CSF2RA: variants seen among roughly 807,000 people sequenced by gnomAD.
CSF2RA encodes colony stimulating factor 2 receptor subunit alpha.
Under a neutral mutation model 51.6 loss-of-function variants are expected in CSF2RA, and 42 were observed. The observed-to-expected ratio is 0.81, with a 90% CI of 0.64 to 1.05. The LOEUF is 1.05. CSF2RA is among the 50% of genes least tolerant of loss of function. CSF2RA has a pLI of 0.00. For synonymous variants in CSF2RA, 222 were observed against 193.0 expected, an observed-to-expected ratio of 1.15 and a Z score of -1.24; for missense variants, 530 against 501.1, an observed-to-expected ratio of 1.06 and a Z score of -0.55.
intron 9 of CSF2RA, 139 bp downstream of exon 9, chrX:1,295,595 G>T (rs28542336): frequency 1.9e-6 from 1 of 516,378 alleles, no homozygotes; most frequent in African/African-American, 4.7e-5. Context: ...GTAACCCTAC[G>T]GTCCCCTACT....
At chrX:1,310,548 G>C (rs1256273591), downstream of CSF2RA, among the ~76,000 whole-genome samples, 2 of 150,430 alleles carry the variant, frequency 1.3e-5, no homozygotes, top group South Asian at 4.2e-4. Flanking sequence ...GGCGCCTGTA[G>C]TCCCAGCTAC....
intron 9 of CSF2RA, among the ~76,000 whole-genome samples, chrX:1,296,341 C>A (rs2091954223): frequency 7.7e-6 from 1 of 130,356 alleles, no homozygotes; most frequent in Non-Finnish European, 1.7e-5. Context: ...TACCCATGAC[C>A]CCTGGCGGAA....
chrX:1,324,490 AG>A, the CSF2RA span, among the ~76,000 whole-genome samples: 2 of 109,146 alleles, frequency 1.8e-5, no homozygotes, highest in Non-Finnish European at 1.8e-5. Context: ...GCAGGGAGGG[AG>A]GGAGGGGAGG....
chrX:1,280,783 A>G lies in CSF2RA; in HGVS notation c.-26-1895A>G, dbSNP rs762613021. Among the ~76,000 whole-genome samples the G allele has an allele frequency of 3.6e-5, 5 of 140,494 alleles. No homozygotes were observed. In the South Asian group the frequency reaches 6.7e-4, roughly 19 times the overall value. 92.2% of individuals were successfully genotyped at this position (140,494 alleles called of 152,430 possible). ...CTTCTTCCTTATGGGCTTGGATAGAAGTATATTGACATGGATCCACCATTT... is the reference window on the plus strand; with the variant it reads ...CTTCTTCCTTATGGGCTTGGATAGAGGTATATTGACATGGATCCACCATTT... On this transcript the variant is annotated intron_variant, in intron 2 of 12. Transcript: ENST00000381529.
chrX:1,286,440 G>A (rs559690625), intron 4 of CSF2RA, among the ~76,000 whole-genome samples: 1 of 148,976 alleles, frequency 6.7e-6, no homozygotes, highest in African/African-American at 2.5e-5. Flanking sequence ...ATGGTGGCAG[G>A]CATCTGTAAT....
At chrX:1,314,482 ACCCAACCCCACTGTGCCTG>A (rs2084390876), downstream of CSF2RA, among the ~76,000 whole-genome samples, 1 of 70,358 alleles carries the variant, frequency 1.4e-5, no homozygotes, top group African/African-American at 8.1e-5. Context: ...CAATGCACCT[ACCCAACCCCACTGTGCCTG>A]CCCAACCGCA....
chrX:1,291,252 C>T (rs763884140), intron 7 of CSF2RA, among the ~76,000 whole-genome samples: 4 of 125,330 alleles, frequency 3.2e-5, no homozygotes, highest in African/African-American at 1.0e-4. Flanking sequence ...TCTTTCCTTC[C>T]TCCCTGCCTT....
At chrX:1,272,015 A>G (rs1315661466) in intron 1 of CSF2RA, among the ~76,000 whole-genome samples, 2 of 146,446 alleles carry the variant, frequency 1.4e-5, no homozygotes, top group East Asian at 2.1e-4. Flanking sequence ...GTGCACTGGC[A>G]TGATCTCGGC....
intron 12 of CSF2RA, among the ~76,000 whole-genome samples, chrX:1,308,283 T>A: frequency 6.7e-6 from 1 of 150,194 alleles, no homozygotes; most frequent in African/African-American, 2.5e-5. Context: ...GGCCAAGAGA[T>A]GAAAGAGAAA....
intron 10 of CSF2RA, 135 bp from the exon 11 acceptor site, chrX:1,303,788 G>A: frequency 1.2e-6 from 1 of 818,958 alleles, no homozygotes; most frequent in Non-Finnish European, 2.2e-6. Flanking sequence ...AAACAGGGAG[G>A]CAGGTTTGCT....
rs779414752 is a variant in CSF2RA at position 1,287,882 on chromosome X, G to A, written c.220-637G>A. On this transcript the variant is annotated intron_variant, in intron 4 of 12. Coordinates refer to ENST00000381529, the MANE Select transcript of CSF2RA (RefSeq NM_172245.4). The stretch of plus-strand genomic sequence containing the variant: ...CTCCCGAGTAGCAGGGATTACAGGT[G>A]CCTGCCACCACACCTGGCTAATTTT... Among the ~76,000 whole-genome samples the A allele has an allele frequency of 1.4e-4, 19 of 137,128 alleles. 1 individual carries two copies. Among genetic ancestry groups the A allele is most frequent in the South Asian group, 2.4e-4 (1 of 4,200 alleles). 90.0% of individuals were successfully genotyped at this position (137,128 alleles called of 152,430 possible). A position where few individuals can be genotyped will look rare whatever the true frequency, so the allele number is the denominator to read the frequency against.
At chrX:1,304,654 G>T (rs1196088076) in intron 11 of CSF2RA, among the ~76,000 whole-genome samples, 9 of 66,198 alleles carry the variant, frequency 1.4e-4, no homozygotes, top group East Asian at 2.2e-3. Context: ...GTTTTTTTTT[G>T]TTTGTTTGTT....
rs375500822 is a variant in CSF2RA at position 1,294,128 on chromosome X, C to A, written c.647-200C>A. The A allele has an allele frequency of 1.6e-4, 117 of 715,612 alleles. No individual in the cohort carries two copies. In the East Asian group the frequency reaches 2.1e-3, roughly 13 times the overall value. The allele number at this position is 715,612 out of a possible 1,614,324, so 44.3% of individuals were successfully genotyped here. On this transcript the variant is annotated intron_variant, in intron 7 of 12. Transcript: ENST00000381529. ...GACCCAGTGTAGACAGGAGGAGACC[C>A]TGCCCCATCTCCACCTGGACCCAGT...
chrX:1,292,716 T>C (rs1158914631), intron 7 of CSF2RA, among the ~76,000 whole-genome samples: 3 of 152,252 alleles, frequency 2.0e-5, no homozygotes, highest in Non-Finnish European at 4.4e-5. Flanking sequence ...TTTTCTCCTG[T>C]CTCAGAATAG....
At chrX:1,314,480 CTACCCAACCCCACTG>C (rs1569514885), downstream of CSF2RA, among the ~76,000 whole-genome samples, 132 of 143,726 alleles carry the variant, frequency 9.2e-4, 3 homozygotes, top group Middle Eastern at 3.6e-3. Context: ...CCCAATGCAC[CTACCCAACCCCACTG>C]TGCCTGCCCA....
At chrX:1,285,196 C>G (rs1269568341) in intron 3 of CSF2RA, among the ~76,000 whole-genome samples, 1 of 152,168 alleles carries the variant, frequency 6.6e-6, no homozygotes, top group African/African-American at 2.4e-5. Context: ...CCACCACCCC[C>G]AGTCTTCAGA....
At chrX:1,293,328 C>T (rs1406102740) in intron 7 of CSF2RA, among the ~76,000 whole-genome samples, 4 of 152,166 alleles carry the variant, frequency 2.6e-5, no homozygotes, top group African/African-American at 4.8e-5. Flanking sequence ...ACGCCATTCT[C>T]CTGCCTCAGC....
intron 2 of CSF2RA, chrX:1,282,476 G>A: frequency 1.6e-6 from 1 of 622,294 alleles, no homozygotes; most frequent in Non-Finnish European, 2.9e-6. Flanking sequence ...AGATGCCAAA[G>A]ATGTCCACGT....
In CSF2RA at chrX:1,282,727, T is replaced by C; in HGVS notation, c.24T>C (p.Leu8=). Residue 8 remains leucine, a synonymous_variant, in exon 3 of 13, where the codon CTT becomes CTC. Transcript: ENST00000381529. MLLLVTS[L]LLCELPHPAF... is the part of the protein sequence containing the mutation. Reference sequence around the variant, plus strand: ...CCATGCTTCTCCTGGTGACAAGCCTTCTGCTCTGTGAGTTACCACACCCAG... The same window carrying C: ...CCATGCTTCTCCTGGTGACAAGCCTCCTGCTCTGTGAGTTACCACACCCAG... The C allele has an allele frequency of 6.2e-7, 1 of 1,613,886 alleles. No homozygotes were observed.
Sources: gnomAD v4.1 joint callset for allele counts (sites outside exome capture counted in the v4.1 genomes callset) on GRCh38, gnomAD v4.1.1 for gene constraint, MANE v1.5 for transcripts, NCBI Gene and HGNC (gene_info 2026-07-23, HGNC 2026-07-21) for gene names.